CCSER1: variants seen among roughly 807,000 people sequenced by gnomAD.
CCSER1 encodes the protein serine-rich coiled-coil domain-containing protein 1.
A neutral mutation model predicts 82.0 loss-of-function variants in CCSER1; 41 were observed. That is an observed-to-expected ratio of 0.50 (90% CI 0.39 to 0.65). The LOEUF (loss-of-function observed/expected upper bound fraction) is 0.65. Among genes scored for constraint, CCSER1 ranks in the 30% least tolerant of loss-of-function variants. The probability of loss-of-function intolerance (pLI) is 0.00; values close to 1 mark genes in which losing one functional copy is unlikely to be tolerated. For missense variants in CCSER1, 1,119 were observed against 1,064.2 expected, an observed-to-expected ratio of 1.05 and a Z score of -0.72; for synonymous variants, 414 against 383.9, an observed-to-expected ratio of 1.08 and a Z score of -0.92.
intron 10 of CCSER1, among the ~76,000 whole-genome samples, chr4:91,356,335 T>G (rs1748832631): frequency 6.6e-6 from 1 of 152,260 alleles, no homozygotes; most frequent in Admixed American, 6.5e-5. Context: ...TCGTTGCTGT[T>G]GGTTGTAATA....
At chr4:90,945,412 A>G (rs899405873) in intron 9 of CCSER1, among the ~76,000 whole-genome samples, 49 of 152,274 alleles carry the variant, frequency 3.2e-4, no homozygotes, top group African/African-American at 1.2e-3. Flanking sequence ...ACTTCATTAC[A>G]TATTTTATTG....
chr4:91,062,895 T>C (rs537032185), intron 9 of CCSER1, among the ~76,000 whole-genome samples: 7 of 152,282 alleles, frequency 4.6e-5, no homozygotes, highest in Non-Finnish European at 1.0e-4. Flanking sequence ...TTATTGTTGT[T>C]GTTTACATAT....
At chr4:91,484,573 AG>A (rs1758119404) in intron 10 of CCSER1, among the ~76,000 whole-genome samples, 1 of 152,220 alleles carries the variant, frequency 6.6e-6, no homozygotes, top group Admixed American at 6.5e-5. Flanking sequence ...ATTGCCTAAA[AG>A]TTGTAGATAA....
chr4:90,757,172 T>A (rs1053257187), intron 7 of CCSER1, among the ~76,000 whole-genome samples: 1 of 152,232 alleles, frequency 6.6e-6, no homozygotes, highest in Non-Finnish European at 1.5e-5. Context: ...GAGATCTTCA[T>A]TGGCTTTTGT....
chr4:91,255,584 C>T (rs1297855408), intron 10 of CCSER1, among the ~76,000 whole-genome samples: 1 of 152,140 alleles, frequency 6.6e-6, no homozygotes, highest in African/African-American at 2.4e-5. Flanking sequence ...AATACTACAC[C>T]AGAGTGTTGC....
intron 4 of CCSER1, among the ~76,000 whole-genome samples, chr4:90,413,981 A>AAATAT (rs1560481885): frequency 1.1e-4 from 6 of 52,452 alleles, no homozygotes; most frequent in Non-Finnish European, 1.8e-4. Context: ...AAAAAAAAAA[A>AAATAT]ATATATATAT....
At chr4:90,795,667 C>T (rs1314567073) in intron 7 of CCSER1, among the ~76,000 whole-genome samples, 1 of 152,052 alleles carries the variant, frequency 6.6e-6, no homozygotes. Context: ...TAGGTATGTT[C>T]CTTCAATACC....
intron 10 of CCSER1, among the ~76,000 whole-genome samples, chr4:91,204,347 T>A (rs1736166013): frequency 6.6e-6 from 1 of 151,774 alleles, no homozygotes. Flanking sequence ...GGAGCTTGCA[T>A]AAATGGCGAA....
rs1190344001 is a variant in CCSER1 at position 90,210,463 on chromosome 4, G to A, written c.-42+82632G>A. 6.3e-5 allele frequency among the ~76,000 whole-genome samples: 4 copies of A among 63,042 alleles called. No homozygotes were observed. The South Asian group carries it at 2.0e-3, about 32-fold the overall frequency. The allele number at this position is 63,042 out of a possible 152,430, so 41.4% of individuals were successfully genotyped here. A position where few individuals can be genotyped will look rare whatever the true frequency, so the allele number is the denominator to read the frequency against. On this transcript the variant is annotated intron_variant, in intron 1 of 10. Coordinates refer to ENST00000509176, the MANE Select transcript of CCSER1 (RefSeq NM_001145065.2). ...TTCTTTTCTTTTCTTTTTTTTTTTTGGACAGGATTTCACTCTGTTGCCCAG... is the reference window on the plus strand; with the variant it reads ...TTCTTTTCTTTTCTTTTTTTTTTTTAGACAGGATTTCACTCTGTTGCCCAG...
At chr4:91,517,202 C>T (rs1760175515) in intron 10 of CCSER1, among the ~76,000 whole-genome samples, 1 of 151,994 alleles carries the variant, frequency 6.6e-6, no homozygotes, top group Admixed American at 6.6e-5. Context: ...TTTTTCTTGC[C>T]TGATTGCTCT....
At chr4:90,502,170 G>T (rs1769985079) in intron 5 of CCSER1, among the ~76,000 whole-genome samples, 2 of 152,146 alleles carry the variant, frequency 1.3e-5, no homozygotes, top group Non-Finnish European at 2.9e-5. Flanking sequence ...AAGAAAAGAG[G>T]TTTAGTTGAC....
At chr4:91,113,235 C>T (rs181298535) in intron 10 of CCSER1, among the ~76,000 whole-genome samples, 1 of 152,126 alleles carries the variant, frequency 6.6e-6, no homozygotes, top group Non-Finnish European at 1.5e-5. Context: ...TTTGTTGATA[C>T]AACAAACGCA....
intron 10 of CCSER1, among the ~76,000 whole-genome samples, chr4:91,253,412 T>A (rs999504637): frequency 1.3e-5 from 2 of 152,158 alleles, no homozygotes; most frequent in Admixed American, 6.6e-5. Context: ...AAGATTCATA[T>A]GCAGATTTTC....
chr4:90,957,791 C>T (rs545782747), intron 9 of CCSER1, among the ~76,000 whole-genome samples: 22 of 149,698 alleles, frequency 1.5e-4, no homozygotes, highest in Non-Finnish European at 2.2e-4. Flanking sequence ...TGATGGAGAA[C>T]GCTTGTTTAT....
chr4:90,982,047 C>G (rs1319870222), intron 9 of CCSER1, among the ~76,000 whole-genome samples: 1 of 151,754 alleles, frequency 6.6e-6, no homozygotes, highest in Non-Finnish European at 1.5e-5. Flanking sequence ...TTTCTTAAAG[C>G]AAAGACTTTT....
chr4:91,472,014 T>C (rs1314618650), intron 10 of CCSER1, among the ~76,000 whole-genome samples: 1 of 151,960 alleles, frequency 6.6e-6, no homozygotes, highest in East Asian at 1.9e-4. Flanking sequence ...CTAAAGATTT[T>C]ATTTAACTAA....
At chr4:90,996,328 T>C (rs1039434778) in intron 9 of CCSER1, among the ~76,000 whole-genome samples, 1 of 152,136 alleles carries the variant, frequency 6.6e-6, no homozygotes, top group African/African-American at 2.4e-5. Flanking sequence ...CATTTTATGG[T>C]ATCTTAATAA....
chr4:90,654,175 T>C (rs986325860), intron 6 of CCSER1, among the ~76,000 whole-genome samples: 4 of 152,170 alleles, frequency 2.6e-5, no homozygotes, highest in Admixed American at 2.6e-4. Flanking sequence ...AGATCCCTTA[T>C]GTTTTGTTTC....
intron 10 of CCSER1, among the ~76,000 whole-genome samples, chr4:91,110,867 A>G (rs1336458941): frequency 6.8e-6 from 1 of 146,098 alleles, no homozygotes; most frequent in Non-Finnish European, 1.5e-5. Flanking sequence ...TTTGCCTTTC[A>G]TATATTATAT....
Sources: allele counts gnomAD v4.1 joint callset (sites outside exome capture counted in the v4.1 genomes callset), GRCh38; gene constraint gnomAD v4.1.1; transcripts MANE v1.5; gene names NCBI Gene and HGNC (gene_info 2026-07-23, HGNC 2026-07-21).